ST3GAL3: variants seen among roughly 807,000 people sequenced by gnomAD.
The protein encoded by ST3GAL3 is ST3 beta-galactoside alpha-2,3-sialyltransferase 3.
ST3GAL3 carries 21 observed loss-of-function variants against 50.1 expected under a neutral mutation model. The observed-to-expected ratio is 0.42, with a 90% CI of 0.30 to 0.60. The LOEUF is 0.60. ST3GAL3 is among the 20% of genes least tolerant of loss of function. The pLI, the probability that ST3GAL3 is intolerant of heterozygous loss-of-function variation, is 0.19. For synonymous variants in ST3GAL3, 183 were observed against 190.0 expected (o/e 0.96, Z 0.30); for missense variants, 353 against 489.4 (o/e 0.72, Z 2.63).
rs141864774 is a variant in ST3GAL3, at chr1:43,893,720, C to A, written c.303-663C>A. Reference sequence around the variant, plus strand: ...CTTCCCCTGAAGCTCTGGGTCCCTCCTCACTTCCACAAGAACTTAGCCTCC... The same window carrying A: ...CTTCCCCTGAAGCTCTGGGTCCCTCATCACTTCCACAAGAACTTAGCCTCC... On this transcript the variant is annotated intron_variant, in intron 5 of 11. Transcript: ENST00000347631. 3.9e-5 allele frequency among the ~76,000 whole-genome samples: 6 copies of A among 152,318 alleles called. No individual in the cohort carries two copies. In the East Asian group the frequency reaches 1.2e-3, roughly 29 times the overall value.
chr1:43,818,484 C>T (rs1021745451), intron 4 of ST3GAL3, among the ~76,000 whole-genome samples: 8 of 152,182 alleles, frequency 5.3e-5, no homozygotes, highest in African/African-American at 1.9e-4. Context: ...TAGAGGAAGA[C>T]ATACACATTC....
chr1:43,854,928 C>T (rs947338016), intron 5 of ST3GAL3, among the ~76,000 whole-genome samples: 9 of 152,172 alleles, frequency 5.9e-5, no homozygotes, highest in Non-Finnish European at 1.0e-4. Flanking sequence ...GATTCTCCAA[C>T]CTCTCCCACC....
chr1:43,754,838 T>C (rs1687458614), intron 2 of ST3GAL3, among the ~76,000 whole-genome samples: 1 of 151,854 alleles, frequency 6.6e-6, no homozygotes, highest in African/African-American at 2.4e-5. Flanking sequence ...TAGTACCAGC[T>C]ACTCGGGAAG....
Position 43,800,197 on chromosome 1 carries a change from C to G in ST3GAL3, c.166+8048C>G, listed in dbSNP as rs377762442. 2.0e-4 allele frequency among the ~76,000 whole-genome samples: 31 copies of G among 152,254 alleles called. No individual in the cohort carries two copies. In the South Asian group the frequency reaches 6.2e-3, roughly 31 times the overall value. On this transcript the variant is annotated intron_variant, in intron 3 of 11. Transcript: ENST00000347631. ...TCACCTCCCCCACACCAACATACACCCATTTGAGATTGGATCTTAGTTTGT... is the reference window on the plus strand; with the variant it reads ...TCACCTCCCCCACACCAACATACACGCATTTGAGATTGGATCTTAGTTTGT...
At chr1:43,748,500 C>G (rs1684789160) in intron 2 of ST3GAL3, among the ~76,000 whole-genome samples, 1 of 146,078 alleles carries the variant, frequency 6.8e-6, no homozygotes, top group African/African-American at 2.6e-5. Flanking sequence ...AGGATCACAG[C>G]TTACTGCAGC....
intron 5 of ST3GAL3, among the ~76,000 whole-genome samples, chr1:43,879,929 G>A (rs892096645): frequency 6.6e-6 from 1 of 152,164 alleles, no homozygotes; most frequent in African/African-American, 2.4e-5. Flanking sequence ...CCTACTTCTG[G>A]GCTGCTTGGC....
chr1:43,833,922 C>G (rs1334516867), intron 4 of ST3GAL3, among the ~76,000 whole-genome samples: 1 of 152,186 alleles, frequency 6.6e-6, no homozygotes. Flanking sequence ...CAGTTTTGCG[C>G]TAGATCCTTT....
intron 1 of ST3GAL3, among the ~76,000 whole-genome samples, chr1:43,731,209 A>G (rs1675609462): frequency 6.6e-6 from 1 of 151,226 alleles, no homozygotes; most frequent in Admixed American, 6.6e-5. Context: ...CCTGAATAAT[A>G]TTTTTTTATT....
chr1:43,820,673 C>G (rs899249234), intron 4 of ST3GAL3, among the ~76,000 whole-genome samples: 4 of 152,098 alleles, frequency 2.6e-5, no homozygotes. Context: ...GAATTCCCTG[C>G]TGCTTGTATC....
intron 1 of ST3GAL3, 118 bp downstream of exon 1, chr1:43,707,811 C>A (rs1445982579): frequency 6.6e-6 from 1 of 152,120 alleles, no homozygotes; most frequent in Non-Finnish European, 1.5e-5. Flanking sequence ...GCGCGGAGCC[C>A]GCGCGCTAGT....
rs879725916 is a variant in ST3GAL3, at chr1:43,913,238, GGCCTC to G, written c.745-7165_745-7161del. Reference sequence around the variant, plus strand: ...ACCACACCCTCCGCTTCACTCTCCTGGCCTCTGTGACACTCACTATAATCATAATA... The same window carrying G: ...ACCACACCCTCCGCTTCACTCTCCTGTGTGACACTCACTATAATCATAATA... On this transcript the variant is annotated intron_variant, in intron 9 of 11. Coordinates refer to ENST00000347631, the MANE Select transcript of ST3GAL3 (RefSeq NM_006279.5). 7.2e-5 allele frequency: 11 copies of G among 152,322 alleles called. No homozygotes were observed. In the East Asian group the frequency reaches 2.1e-3, roughly 29 times the overall value. 9.4% of individuals were successfully genotyped at this position (152,322 alleles called of 1,614,324 possible).
chr1:43,897,567 G>T (rs2077569778), intron 6 of ST3GAL3, among the ~76,000 whole-genome samples: 1 of 152,144 alleles, frequency 6.6e-6, no homozygotes, highest in Non-Finnish European at 1.5e-5. Flanking sequence ...AGGAGATGAG[G>T]TCTAAATAGT....
chr1:43,851,359 A>T, intron 5 of ST3GAL3: 1 of 1,573,996 alleles, frequency 6.4e-7, no homozygotes, highest in Middle Eastern at 1.7e-4. Context: ...GGGCAGTTAC[A>T]CTCAAAGTTT....
At chr1:43,779,450 CT>C (rs1698615489) in intron 2 of ST3GAL3, among the ~76,000 whole-genome samples, 1 of 152,188 alleles carries the variant, frequency 6.6e-6, no homozygotes, top group Admixed American at 6.5e-5. Flanking sequence ...AAAGCACTTC[CT>C]CATTATCACC....
chr1:43,815,777 A>G (rs1197333725), intron 4 of ST3GAL3, among the ~76,000 whole-genome samples: 6 of 152,194 alleles, frequency 3.9e-5, no homozygotes, highest in Non-Finnish European at 8.8e-5. Context: ...AGTATTGAGT[A>G]TCTAATCCTT....
intron 2 of ST3GAL3, among the ~76,000 whole-genome samples, chr1:43,779,189 G>T (rs545907273): frequency 4.6e-5 from 7 of 151,828 alleles, no homozygotes; most frequent in African/African-American, 1.7e-4. Context: ...TGATCCACCC[G>T]CCTCAGCCTC....
intron 5 of ST3GAL3, among the ~76,000 whole-genome samples, chr1:43,883,527 G>A (rs1324795607): frequency 6.6e-6 from 1 of 152,252 alleles, no homozygotes; most frequent in Non-Finnish European, 1.5e-5. Flanking sequence ...CAGGCACCAG[G>A]CCAGCCCTGC....
intron 2 of ST3GAL3, among the ~76,000 whole-genome samples, chr1:43,752,620 C>T (rs1686599401): frequency 6.6e-6 from 1 of 152,152 alleles, no homozygotes; most frequent in African/African-American, 2.4e-5. Flanking sequence ...CCCATCTCAT[C>T]CTCCCATGTG....
At chr1:43,929,756 G>A (rs1175134271) in intron 11 of ST3GAL3, among the ~76,000 whole-genome samples, 1 of 152,218 alleles carries the variant, frequency 6.6e-6, no homozygotes, top group African/African-American at 2.4e-5. Context: ...TTGGACTTCA[G>A]TGACTCACAC....
Sources: gnomAD v4.1 joint callset for allele counts (sites outside exome capture counted in the v4.1 genomes callset) on GRCh38, gnomAD v4.1.1 for gene constraint, MANE v1.5 for transcripts, NCBI Gene and HGNC (gene_info 2026-07-23, HGNC 2026-07-21) for gene names.